TPD52L1: variants seen among roughly 807,000 people sequenced by gnomAD.
The protein encoded by TPD52L1 is TPD52 like 1, also known as tumor protein D53.
Under a neutral mutation model 28.7 loss-of-function variants are expected in TPD52L1, and 18 were observed. The observed-to-expected ratio is 0.63, with a 90% confidence interval of 0.43 to 0.93. The LOEUF is 0.93. Among genes scored for constraint, TPD52L1 ranks in the 40% least tolerant of loss-of-function variants. The pLI is 0.00. For synonymous variants in TPD52L1, 75 were observed against 88.8 expected (o/e 0.84, Z 0.88); for missense variants, 203 against 254.8 (o/e 0.80, Z 1.39).
chr6:125,209,918 G>A (rs1794388127), intron 1 of TPD52L1, among the ~76,000 whole-genome samples: 1 of 152,132 alleles, frequency 6.6e-6, no homozygotes, highest in Admixed American at 6.6e-5. Context: ...TTAATTTGGG[G>A]TCATGGCAAG....
intron 1 of TPD52L1, among the ~76,000 whole-genome samples, chr6:125,214,960 C>G (rs544239227): frequency 6.6e-6 from 1 of 152,274 alleles, no homozygotes; most frequent in South Asian, 2.1e-4. Context: ...TTCCAGATCT[C>G]CTGACTCCCA....
chr6:125,183,838 A>ATGT (rs1468833472), intron 1 of TPD52L1, among the ~76,000 whole-genome samples: 1 of 152,252 alleles, frequency 6.6e-6, no homozygotes, highest in Non-Finnish European at 1.5e-5. Flanking sequence ...TAAATGGATT[A>ATGT]TGATAGTGAT....
At chr6:125,155,261 C>T (rs1192692211) in intron 1 of TPD52L1, among the ~76,000 whole-genome samples, 1 of 152,218 alleles carries the variant, frequency 6.6e-6, no homozygotes, top group South Asian at 2.1e-4. Flanking sequence ...GGAGCAGCAC[C>T]GGAGCTTTCC....
chr6:125,184,324 T>C (rs1216535501), intron 1 of TPD52L1, among the ~76,000 whole-genome samples: 1 of 152,246 alleles, frequency 6.6e-6, no homozygotes, highest in Non-Finnish European at 1.5e-5. Context: ...TGGGATTTTT[T>C]TGACACCACA....
At chr6:125,231,609 TTTGTTG>T (rs144723103) in intron 3 of TPD52L1, among the ~76,000 whole-genome samples, 71 of 151,206 alleles carry the variant, frequency 4.7e-4, no homozygotes, top group African/African-American at 8.5e-4. Flanking sequence ...AGTTTGAGTT[TTTGTTG>T]TTGTTGTTGT....
rs750127427 is a variant in TPD52L1, at chr6:125,225,410, C to T, written c.136-3708C>T. ...CTGGGGAAATTAATTCTGTGTTTAA[C>T]TTTCTGAGAAACTGTACGACTGTTT... On this transcript the variant is annotated intron_variant, in intron 2 of 6. Coordinates refer to ENST00000534000, the MANE Select transcript of TPD52L1 (RefSeq NM_003287.4). Among the ~76,000 whole-genome samples, 99 of 152,168 alleles carry T rather than the reference C, an allele frequency of 6.5e-4. 1 individual carries two copies. Among genetic ancestry groups the T allele is most frequent in the Non-Finnish European group, 7.5e-4 (51 of 68,020 alleles).
At chr6:125,215,455 A>G (rs1794797901) in intron 1 of TPD52L1, among the ~76,000 whole-genome samples, 1 of 152,218 alleles carries the variant, frequency 6.6e-6, no homozygotes, top group South Asian at 2.1e-4. Flanking sequence ...CTCAGAGAGC[A>G]CCACTGGGAC....
chr6:125,240,938 T>A (rs1796577446), intron 3 of TPD52L1, among the ~76,000 whole-genome samples: 2 of 152,164 alleles, frequency 1.3e-5, no homozygotes, highest in African/African-American at 4.8e-5. Flanking sequence ...TTTTCTCCCA[T>A]TTAGTATGAA....
intron 1 of TPD52L1, among the ~76,000 whole-genome samples, chr6:125,179,606 C>T (rs942947167): frequency 3.0e-4 from 45 of 152,252 alleles, no homozygotes; most frequent in African/African-American, 9.4e-4. Flanking sequence ...ATAATATGAG[C>T]GGTACCACTG....
intron 1 of TPD52L1, among the ~76,000 whole-genome samples, chr6:125,180,873 A>T (rs1792146927): frequency 6.6e-6 from 1 of 152,170 alleles, no homozygotes; most frequent in Non-Finnish European, 1.5e-5. Context: ...CAGCCAAATG[A>T]CTTGCTATTA....
In TPD52L1 at chr6:125,196,413, T is replaced by C. The variant is rs549532383; in HGVS notation, c.20-23665T>C. On this transcript the variant is annotated intron_variant, in intron 1 of 6. Transcript: ENST00000534000. ...TAAAAGCTTAACTATAGTTGTAATG[T>C]ATAAACAACTTTTGGCATGTGCCCT... 1.7e-4 allele frequency among the ~76,000 whole-genome samples: 26 copies of C among 152,360 alleles called. 1 individual carries two copies. The South Asian group carries it at 4.6e-3, about 27-fold the overall frequency.
chr6:125,217,876 A>G (rs540503382), intron 1 of TPD52L1, among the ~76,000 whole-genome samples: 1 of 152,062 alleles, frequency 6.6e-6, no homozygotes, highest in Non-Finnish European at 1.5e-5. Context: ...TTTTCACTCG[A>G]TATCTTATTT....
intron 2 of TPD52L1, among the ~76,000 whole-genome samples, chr6:125,221,091 G>C (rs1168706862): frequency 2.0e-5 from 3 of 152,166 alleles, no homozygotes; most frequent in Non-Finnish European, 2.9e-5. Context: ...TCTGAACTCT[G>C]AGTTCTAGCC....
chr6:125,256,156 T>C (rs1404288382), intron 5 of TPD52L1, among the ~76,000 whole-genome samples: 1 of 152,188 alleles, frequency 6.6e-6, no homozygotes, highest in Non-Finnish European at 1.5e-5. Context: ...GAGACCAGCC[T>C]GGCCAACATG....
At position 125,253,966 on chromosome 6, in the gene TPD52L1, T is replaced by C. The variant is rs141146620; in HGVS notation, c.425+211T>C. On this transcript the variant is annotated intron_variant, in intron 5 of 6. Coordinates refer to ENST00000534000, the MANE Select transcript of TPD52L1 (RefSeq NM_003287.4). The stretch of plus-strand genomic sequence containing the variant: ...CTTAAATCTAGTCTTTCCTGTGTGA[T>C]CCAAGACAAGTGACTTAACCTCAAT... The C allele has an allele frequency of 2.3e-3, 1,687 of 747,800 alleles. 13 individuals are homozygous for C. Among genetic ancestry groups the C allele is most frequent in the East Asian group, 0.02 (786 of 40,164 alleles). The allele number at this position is 747,800 out of a possible 1,614,324, so 46.3% of individuals were successfully genotyped here. A position where few individuals can be genotyped will look rare whatever the true frequency, so the allele number is the denominator to read the frequency against.
chr6:125,194,550 C>T (rs193214293), intron 1 of TPD52L1, among the ~76,000 whole-genome samples: 16 of 152,226 alleles, frequency 1.1e-4, no homozygotes, highest in Admixed American at 7.9e-4. Context: ...CCCCTGGAAC[C>T]CTGACCCCAG....
chr6:125,191,347 G>C (rs1039253421), intron 1 of TPD52L1, among the ~76,000 whole-genome samples: 5 of 152,166 alleles, frequency 3.3e-5, no homozygotes, highest in African/African-American at 1.2e-4. Context: ...TCTGTGAAAG[G>C]GGGCAGCTTT....
chr6:125,171,478 A>G (rs1303786326), intron 1 of TPD52L1, among the ~76,000 whole-genome samples: 1 of 152,190 alleles, frequency 6.6e-6, no homozygotes, highest in Non-Finnish European at 1.5e-5. Flanking sequence ...CATTACATTA[A>G]TAAGACTTCG....
intron 1 of TPD52L1, among the ~76,000 whole-genome samples, chr6:125,178,541 A>C (rs1054902877): frequency 3.9e-5 from 6 of 152,198 alleles, no homozygotes; most frequent in African/African-American, 1.4e-4. Flanking sequence ...GAATCGCTTC[A>C]ACCCGGGAAG....
Sources: gnomAD v4.1 joint callset for allele counts (sites outside exome capture counted in the v4.1 genomes callset) on GRCh38, gnomAD v4.1.1 for gene constraint, MANE v1.5 for transcripts, NCBI Gene and HGNC (gene_info 2026-07-23, HGNC 2026-07-21) for gene names.